Variants in DHX34 observed in about 807,000 individuals in gnomAD.
DHX34 encodes the protein probable ATP-dependent RNA helicase DHX34.
In DHX34, 96 loss-of-function variants were observed where a neutral mutation model predicts 111.1. The observed-to-expected ratio is 0.86, with a 90% CI of 0.73 to 1.02. The LOEUF (loss-of-function observed/expected upper bound fraction) is 1.02, where lower values mean the gene tolerates loss of function less well. Among genes scored for constraint, DHX34 ranks in the 50% least tolerant of loss-of-function variants. The pLI, the probability that DHX34 is intolerant of heterozygous loss-of-function variation, is 0.00. For synonymous variants in DHX34, 688 were observed against 670.4 expected (o/e 1.03, Z -0.41); for missense variants, 1,560 against 1,579.9 (o/e 0.99, Z 0.21).
rs1243096657 is a variant in DHX34 at position 47,367,120 on chromosome 19, C to T, written c.1733C>T (p.Ser578Phe). 1.3e-6 allele frequency: 2 copies of T among 1,576,288 alleles called. No individual in the cohort carries two copies. The highest frequency in any genetic ancestry group is 1.7e-6 in the Non-Finnish European group (2 of 1,161,148). The change falls in exon 7 of 17, where the codon TCC becomes TTC. Residue 578 changes from serine (S) to phenylalanine (F), a missense_variant. Coordinates refer to ENST00000328771, the MANE Select transcript of DHX34 (RefSeq NM_014681.6). ...DSSEALTPIGSLLAQLPVDVV... is the reference protein window; with the variant it reads ...DSSEALTPIGFLLAQLPVDVV... ...TCAGAGGCCCTCACACCCATTGGGT[C>T]CCTGCTAGCCCAGCTGCCTGTGGAC...
chr19:47,360,749 G>A (rs1218098526), intron 5 of DHX34, among the ~76,000 whole-genome samples: 2 of 152,086 alleles, frequency 1.3e-5, no homozygotes, highest in Non-Finnish European at 2.9e-5. Context: ...GTGCAATGGT[G>A]CAAGCTCCGC....
At chr19:47,357,386 C>T (rs1279169151) in intron 3 of DHX34, among the ~76,000 whole-genome samples, 3 of 152,154 alleles carry the variant, frequency 2.0e-5, no homozygotes, top group East Asian at 3.8e-4. Context: ...TGCTTTGTTA[C>T]TTTGTCTTTT....
Position 47,376,878 on chromosome 19 carries a change from C to G in DHX34, c.2600-222C>G. ...GTGGGTCCTGCAGAGGGAGGCCCCC[C>G]TGGCACCCGTGTGCATGGAAGGGTG... is the stretch of plus-strand genomic sequence containing the variant. On this transcript the variant is annotated intron_variant, in intron 12 of 16. Transcript: ENST00000328771. The G allele has an allele frequency of 2.0e-6, 3 of 1,533,394 alleles. No homozygotes were observed. In the South Asian group the frequency reaches 3.6e-5, roughly 18 times the overall value. 95.0% of individuals were successfully genotyped at this position (1,533,394 alleles called of 1,614,324 possible).
chr19:47,363,810 T>TC (rs1165985586), intron 6 of DHX34, among the ~76,000 whole-genome samples: 1 of 93,386 alleles, frequency 1.1e-5, no homozygotes, highest in Non-Finnish European at 1.9e-5. Flanking sequence ...AGAACAAGAC[T>TC]CCATCTCAAA....
chr19:47,376,892 C>T (rs1376063954), intron 12 of DHX34: 2 of 1,534,218 alleles, frequency 1.3e-6, no homozygotes, highest in African/African-American at 1.4e-5. Context: ...CACCCGTGTG[C>T]ATGGAAGGGT....
chr19:47,365,731 C>CTGCCT, intron 6 of DHX34, among the ~76,000 whole-genome samples: 1 of 152,166 alleles, frequency 6.6e-6, no homozygotes, highest in Non-Finnish European at 1.5e-5. Flanking sequence ...GTCACATGAG[C>CTGCCT]TGCCTTGCCA....
At chr19:47,368,058 C>G (rs1049093735) in intron 7 of DHX34, among the ~76,000 whole-genome samples, 42 of 151,480 alleles carry the variant, frequency 2.8e-4, no homozygotes, top group African/African-American at 4.1e-4. Flanking sequence ...TCTTGGAAAT[C>G]TTGGTTTGGA....
At chr19:47,372,048 T>A (rs1445570793) in intron 7 of DHX34, among the ~76,000 whole-genome samples, 2 of 150,992 alleles carry the variant, frequency 1.3e-5, no homozygotes, top group Non-Finnish European at 2.9e-5. Flanking sequence ...AGGGTTCACC[T>A]GTCTCCAGGT....
intron 12 of DHX34, 134 bp from the exon 13 acceptor site, chr19:47,376,966 G>A: frequency 6.5e-7 from 1 of 1,547,066 alleles, no homozygotes; most frequent in Non-Finnish European, 8.7e-7. Flanking sequence ...CTTCTTGTCT[G>A]AGCCAGGCCA....
rs577397730 is a variant in DHX34 at position 47,374,895 on chromosome 19, G to A, written c.2065-571G>A. On this transcript the variant is annotated intron_variant, in intron 9 of 16. Coordinates refer to ENST00000328771, the MANE Select transcript of DHX34 (RefSeq NM_014681.6). ...GTCCTCCATCGGTCAGGGCTCAGCA[G>A]GAAACAGAAGGTCCAACCAAATTGG... 1.4e-4 allele frequency among the ~76,000 whole-genome samples: 22 copies of A among 152,330 alleles called. 1 individual carries two copies. The South Asian group carries it at 4.3e-3, about 30-fold the overall frequency.
Position 47,363,602 on chromosome 19 carries a change from G to T in DHX34, c.1593+909G>T, listed in dbSNP as rs116887734. ...GGAGGCCAAGGCAGGTGGATCACTT[G>T]ATACCAGGAGTTTGAGACCAGCATG... On this transcript the variant is annotated intron_variant, in intron 6 of 16. Coordinates refer to ENST00000328771, the MANE Select transcript of DHX34 (RefSeq NM_014681.6). 2.7e-3 allele frequency among the ~76,000 whole-genome samples: 413 copies of T among 152,204 alleles called. 1 individual carries two copies. The highest frequency in any genetic ancestry group is 4.7e-3 in the Non-Finnish European group (323 of 68,008).
Position 47,382,038 on chromosome 19 carries a change from C to T in DHX34, c.3357C>T (p.Tyr1119=). ...LQKTSVLQRP[Y]HCEACGKDFL... is the part of the protein sequence containing the mutation. Reference sequence around the variant, plus strand: ...AGACATCTGTCCTGCAGAGGCCCTACCACTGCGAGGCCTGCGGGAAGGACT... The same window carrying T: ...AGACATCTGTCCTGCAGAGGCCCTATCACTGCGAGGCCTGCGGGAAGGACT... Residue 1119 remains tyrosine (Y), a synonymous_variant, in exon 17 of 17, where the codon TAC becomes TAT. Coordinates refer to ENST00000328771, the MANE Select transcript of DHX34 (RefSeq NM_014681.6). 6.2e-7 allele frequency: 1 copy of T among 1,614,146 alleles called. No homozygotes were observed. The highest frequency in any genetic ancestry group is 1.1e-5 in the South Asian group (1 of 91,082).
At position 47,358,260 on chromosome 19, in the gene DHX34, C is replaced by T. The variant is rs1969521527; in HGVS notation, c.1272+140C>T. On this transcript the variant is annotated intron_variant, in intron 4 of 16. Transcript: ENST00000328771. ...AGTCGTAGCCACCTAGTGGCAGAGC[C>T]AGGCTGCGAACCCAGGTAGTCTGGC... 9 of 1,429,270 alleles carry T rather than the reference C, an allele frequency of 6.3e-6. No individual in the cohort carries two copies. In the African/African-American group the frequency reaches 1.3e-4, roughly 20 times the overall value. The allele number at this position is 1,429,270 out of a possible 1,614,324, so 88.5% of individuals were successfully genotyped here.
At chr19:47,368,118 A>G (rs1193115364) in intron 7 of DHX34, among the ~76,000 whole-genome samples, 1 of 149,494 alleles carries the variant, frequency 6.7e-6, no homozygotes, top group African/African-American at 2.5e-5. Flanking sequence ...AGGCGGCCGT[A>G]TTGGACAGTG....
intron 13 of DHX34, chr19:47,379,456 C>A: frequency 6.8e-6 from 2 of 295,496 alleles, no homozygotes; most frequent in Non-Finnish European, 1.0e-5. Flanking sequence ...GAGAATGCAG[C>A]TGTCTCTCTC....
chr19:47,353,854 C>A lies in DHX34; in HGVS notation c.705+119C>A, dbSNP rs888294375. 10 of 977,862 alleles carry A rather than the reference C, an allele frequency of 1.0e-5. No homozygotes were observed. Among genetic ancestry groups the A allele is most frequent in the African/African-American group, 4.9e-5 (3 of 60,836 alleles). The allele number at this position is 977,862 out of a possible 1,614,324, so 60.6% of individuals were successfully genotyped here. A position where few individuals can be genotyped will look rare whatever the true frequency, so the allele number is the denominator to read the frequency against. On this transcript the variant is annotated intron_variant, in intron 2 of 16. Coordinates refer to ENST00000328771, the MANE Select transcript of DHX34 (RefSeq NM_014681.6). The surrounding 1 kb of genome is among the most constrained non-coding windows in gnomAD (Gnocchi z 4.6). Reference sequence around the variant, plus strand: ...CTTACCCTTGGACCCAGCGATGATTCTTCTAGAACTTTATCCACAGAGTGG... The same window carrying A: ...CTTACCCTTGGACCCAGCGATGATTATTCTAGAACTTTATCCACAGAGTGG...
At chr19:47,373,815 AC>A in intron 9 of DHX34, 115 bp downstream of exon 9, 1 of 1,309,790 alleles carries the variant, frequency 7.6e-7, no homozygotes, top group Non-Finnish European at 1.0e-6. Flanking sequence ...CCCACCCTGC[AC>A]CCACCTCCCC....
chr19:47,371,077 G>C (rs916957165), intron 7 of DHX34, among the ~76,000 whole-genome samples: 6 of 152,234 alleles, frequency 3.9e-5, no homozygotes, highest in African/African-American at 1.4e-4. Flanking sequence ...GAAAGGCTCT[G>C]TGGACTTTCC....
chr19:47,375,768 G>C (rs1296460157), intron 10 of DHX34, 60 bp downstream of exon 10: 1 of 1,530,024 alleles, frequency 6.5e-7, no homozygotes, highest in Non-Finnish European at 8.6e-7. Flanking sequence ...GCCTCTCCTG[G>C]GGGGGTCCCA....
Sources: allele counts gnomAD v4.1 joint callset (sites outside exome capture counted in the v4.1 genomes callset), GRCh38; gene constraint gnomAD v4.1.1; non-coding constraint Gnocchi (gnomAD v3.1); transcripts MANE v1.5; gene names NCBI Gene and HGNC (gene_info 2026-07-23, HGNC 2026-07-21).